Variants in ISLR2 observed in about 807,000 individuals in gnomAD.
The protein encoded by ISLR2 is immunoglobulin superfamily containing leucine rich repeat 2.
A neutral mutation model predicts 25.5 loss-of-function variants in ISLR2; 16 were observed. The ratio of observed to expected loss-of-function variants is 0.63; its 90% confidence interval spans 0.43 to 0.95. ISLR2 has a LOEUF of 0.95. ISLR2 is among the 40% of genes least tolerant of loss of function. ISLR2 has a pLI of 0.00. For synonymous variants in ISLR2, 508 were observed against 486.6 expected, an observed-to-expected ratio of 1.04 and a Z score of -0.58; for missense variants, 883 against 1,030.7, an observed-to-expected ratio of 0.86 and a Z score of 1.96.
At chr15:74,114,038 G>T (rs1043822638) in intron 2 of ISLR2, among the ~76,000 whole-genome samples, 4 of 152,228 alleles carry the variant, frequency 2.6e-5, no homozygotes, top group African/African-American at 9.6e-5. Flanking sequence ...GCCCTGAGCA[G>T]CAGTCTCTGT....
intron 2 of ISLR2, among the ~76,000 whole-genome samples, chr15:74,120,586 T>G (rs1380915946): frequency 2.7e-5 from 4 of 146,968 alleles, no homozygotes; most frequent in East Asian, 2.0e-4. Context: ...GAGGGGGGTG[T>G]GGCTGGGTTT....
In ISLR2 at chr15:74,134,058, CGGA is replaced by C. The variant is rs2072499682; in HGVS notation, c.1311_1313del (p.Glu437del). 6.2e-7 allele frequency: 1 copy of C among 1,613,530 alleles called. No homozygotes were observed. Among genetic ancestry groups the C allele is most frequent in the Non-Finnish European group, 8.5e-7 (1 of 1,179,840 alleles). On this transcript the variant is annotated inframe_deletion, in exon 3 of 3. Coordinates refer to ENST00000453268, the MANE Select transcript of ISLR2 (RefSeq NM_020851.3). ...ATTCTCGGGGAGACCGAGACGGAGC[CGGA>C]GGAGGACACAAGTGAGGGAGAGGAG...
chr15:74,104,486 C>T (rs1246546405), intron 2 of ISLR2, among the ~76,000 whole-genome samples: 6 of 152,226 alleles, frequency 3.9e-5, no homozygotes, highest in Admixed American at 6.5e-5. Flanking sequence ...ACCTGAAGAA[C>T]AGTTAGATTT....
At position 74,133,461 on chromosome 15, in the gene ISLR2, A is replaced by C. The variant is rs777350149; in HGVS notation, c.707A>C (p.His236Pro). The C allele has an allele frequency of 6.2e-7, 1 of 1,612,264 alleles. No individual in the cohort carries two copies. Among genetic ancestry groups the C allele is most frequent in the Non-Finnish European group, 8.5e-7 (1 of 1,179,768 alleles). The change falls in exon 3 of 3, where the codon CAT becomes CCT. Residue 236 changes from histidine to proline, a missense_variant. His to Pro is a moderately conservative substitution (Grantham distance 77, BLOSUM62 -2). This residue lies in a region of ISLR2 where 271 missense variants were observed against 387.9 expected (regional missense o/e 0.70). Coordinates refer to ENST00000453268, the MANE Select transcript of ISLR2 (RefSeq NM_020851.3). Reference sequence around the variant, plus strand: ...CTGCCCTGTGCACCGCCCAGCGTGCATCTGAGTGCCGAGCCACCGCTTGAA... The same window carrying C: ...CTGCCCTGTGCACCGCCCAGCGTGCCTCTGAGTGCCGAGCCACCGCTTGAA... ...PALPCAPPSV[H>P]LSAEPPLEAP...
upstream of ISLR2, chr15:74,127,682 G>A (rs1447281609): frequency 6.6e-6 from 1 of 152,518 alleles, no homozygotes; most frequent in African/African-American, 2.4e-5. Context: ...ACCCGCCTCT[G>A]CGCCCGGCAA....
At chr15:74,121,986 A>G (rs1178640082) in intron 2 of ISLR2, among the ~76,000 whole-genome samples, 1 of 152,102 alleles carries the variant, frequency 6.6e-6, no homozygotes, top group African/African-American at 2.4e-5. Context: ...GGTACGGGGG[A>G]CTAACGCAGG....
intron 2 of ISLR2, among the ~76,000 whole-genome samples, chr15:74,107,477 T>C (rs911519464): frequency 8.5e-5 from 13 of 152,080 alleles, no homozygotes; most frequent in African/African-American, 2.9e-4. Flanking sequence ...AAATAGAGGA[T>C]GTCCCCCAGC....
At position 74,133,353 on chromosome 15, in the gene ISLR2, G is replaced by C; in HGVS notation, c.599G>C (p.Arg200Pro). 2.5e-6 allele frequency: 4 copies of C among 1,608,458 alleles called. No individual in the cohort carries two copies. The South Asian group carries it at 3.3e-5, about 13-fold the overall frequency. The part of the protein sequence containing the change: ...VWLQAWAAST[R>P]VSLPEPDSIA... ...CTGCAGGCCTGGGCCGCGAGCACCC[G>C]GGTGTCCTTACCCGAGCCCGACTCC... The change falls in exon 3 of 3, where the codon CGG (arginine) becomes CCG (proline). Residue 200 changes from arginine to proline, a missense_variant. By Grantham distance (103) the Arg-to-Pro change is moderately radical (BLOSUM62 -2). Around this residue, in one of 2 missense-constraint regions of ISLR2, gnomAD observed 271 missense variants for 387.9 expected, o/e 0.70. Transcript: ENST00000453268.
rs769220166 is a variant in ISLR2, at chr15:74,134,006, A to G, written c.1252A>G (p.Lys418Glu). The G allele has an allele frequency of 6.2e-7, 1 of 1,612,714 alleles. No homozygotes were observed. ...GCCTTCCAAACCCGAGGGCAAAATC[A>G]AAGGCCAAGGCCTGGCCAAGGTCAG... ...VLPSKPEGKI[K>E]GQGLAKVSIL... Residue 418 changes from lysine to glutamate, a missense_variant, in exon 3 of 3, where the codon AAA (lysine) becomes GAA (glutamate). Physicochemically the swap from Lys to Glu is moderately conservative, Grantham distance 56. Around this residue, in one of 2 missense-constraint regions of ISLR2, gnomAD observed 612 missense variants for 642.8 expected, o/e 0.95. Transcript: ENST00000453268.
intron 2 of ISLR2, among the ~76,000 whole-genome samples, chr15:74,111,475 A>G (rs1429958172): frequency 6.6e-6 from 1 of 150,580 alleles, no homozygotes; most frequent in Non-Finnish European, 1.5e-5. Flanking sequence ...TTTTTAGTGT[A>G]GACAGGGCTT....
intron 2 of ISLR2, among the ~76,000 whole-genome samples, chr15:74,111,371 C>A (rs1268901327): frequency 6.6e-6 from 1 of 151,998 alleles, no homozygotes; most frequent in Non-Finnish European, 1.5e-5. Flanking sequence ...CTCACTGCAG[C>A]CTCCACCTCC....
Position 74,134,210 on chromosome 15 carries a change from C to T in ISLR2, c.1456C>T (p.Leu486=), listed in dbSNP as rs1365812781. The change falls in exon 3 of 3, where the codon CTG becomes TTG. Residue 486 remains leucine, a synonymous_variant. Coordinates refer to ENST00000453268, the MANE Select transcript of ISLR2 (RefSeq NM_020851.3). ...SAELKPHVFE[L]GVIALDVAER... is the part of the protein sequence containing the mutation. ...AGAGCTCAAGCCGCACGTCTTCGAG[C>T]TGGGCGTCATCGCGCTGGATGTGGC... 3.7e-6 allele frequency: 6 copies of T among 1,608,256 alleles called. No homozygotes were observed. The South Asian group carries it at 5.6e-5, about 15-fold the overall frequency.
downstream of ISLR2, chr15:74,138,467 A>T (rs1454160304): frequency 6.6e-6 from 1 of 152,596 alleles, no homozygotes; most frequent in Non-Finnish European, 1.5e-5. Context: ...GCTGTGGAGA[A>T]GTCCTTGGAA....
intron 2 of ISLR2, among the ~76,000 whole-genome samples, chr15:74,109,385 G>A (rs2141928356): frequency 1.3e-5 from 2 of 152,078 alleles, no homozygotes; most frequent in Admixed American, 1.3e-4. Flanking sequence ...GGCAGGAAGG[G>A]CTGCAGTAGG....
intron 1 of ISLR2, among the ~76,000 whole-genome samples, chr15:74,101,077 C>G (rs1272405910): frequency 1.0e-4 from 5 of 48,582 alleles, no homozygotes; most frequent in African/African-American, 3.8e-4. Context: ...ACAGTCGTCG[C>G]TTAGTAACCT....
chr15:74,113,950 A>G (rs1165474189), intron 2 of ISLR2, among the ~76,000 whole-genome samples: 2 of 152,254 alleles, frequency 1.3e-5, no homozygotes, highest in Non-Finnish European at 1.5e-5. Context: ...AAGGACCTGC[A>G]GCAACCTCTA....
At chr15:74,116,236 A>C (rs1166206742) in intron 2 of ISLR2, among the ~76,000 whole-genome samples, 1 of 151,886 alleles carries the variant, frequency 6.6e-6, no homozygotes, top group African/African-American at 2.4e-5. Flanking sequence ...GAAAAAGTTA[A>C]CTCTGCAGAT....
At position 74,132,936 on chromosome 15, in the gene ISLR2, A is replaced by G; in HGVS notation, c.182A>G (p.Asn61Ser). Residue 61 changes from asparagine (N) to serine (S), a missense_variant, in exon 3 of 3, where the codon AAC (asparagine) becomes AGC (serine). Around this residue, in one of 2 missense-constraint regions of ISLR2, gnomAD observed 271 missense variants for 387.9 expected, o/e 0.70. Coordinates refer to ENST00000453268, the MANE Select transcript of ISLR2 (RefSeq NM_020851.3). The surrounding 1 kb of genome is among the most constrained non-coding windows in gnomAD (Gnocchi z 4.3). ...ANVTTLSLSA[N>S]KITVLRRGAF... is the part of the protein sequence containing the mutation. ...GTGACGACGCTTAGTCTGTCCGCGA[A>G]CAAGATCACTGTGCTGCGGCGCGGG... 6.2e-7 allele frequency: 1 copy of G among 1,614,082 alleles called. No individual in the cohort carries two copies. Among genetic ancestry groups the G allele is most frequent in the Non-Finnish European group, 8.5e-7 (1 of 1,179,950 alleles).
At chr15:74,107,610 G>A (rs530941600) in intron 2 of ISLR2, among the ~76,000 whole-genome samples, 16 of 152,272 alleles carry the variant, frequency 1.1e-4, no homozygotes, top group African/African-American at 3.1e-4. Flanking sequence ...CAGGCAAATC[G>A]TCCTGGCTCC....
Sources: allele counts gnomAD v4.1 joint callset (sites outside exome capture counted in the v4.1 genomes callset), GRCh38; gene constraint gnomAD v4.1.1; regional missense constraint gnomAD v4.1.1; non-coding constraint Gnocchi (gnomAD v3.1); transcripts MANE v1.5; gene names NCBI Gene and HGNC (gene_info 2026-07-23, HGNC 2026-07-21).